Variants in TNS1 observed in about 807,000 individuals in gnomAD.
TNS1 encodes the protein tensin-1.
Under a neutral mutation model 168.6 loss-of-function variants are expected in TNS1, and 62 were observed. The ratio of observed to expected loss-of-function variants is 0.37; its 90% CI spans 0.30 to 0.45. The LOEUF (loss-of-function observed/expected upper bound fraction) is 0.45. Among genes scored for constraint, TNS1 ranks in the 20% least tolerant of loss-of-function variants. The pLI is 1.00. For missense variants in TNS1, 2,240 were observed against 2,339.4 expected, an observed-to-expected ratio of 0.96 and a Z score of 0.88; for synonymous variants, 934 against 933.2, an observed-to-expected ratio of 1.00 and a Z score of -0.02.
rs58953604 is a variant in TNS1, at chr2:217,963,889, CAAAAA to C, written c.186+14871_186+14875del. Among the ~76,000 whole-genome samples, 281 of 126,416 alleles carry C rather than the reference CAAAAA, an allele frequency of 2.2e-3. 1 individual carries two copies. Among genetic ancestry groups the C allele is most frequent in the South Asian group, 2.3e-3 (9 of 3,924 alleles). 82.9% of individuals were successfully genotyped at this position (126,416 alleles called of 152,430 possible). A position where few individuals can be genotyped will look rare whatever the true frequency, so the allele number is the denominator to read the frequency against. Reference sequence around the variant, plus strand: ...TGAAACCCCATCTCTACTAAAAATACAAAAAAAAAAAAAAAATTAGTCGGGTGTGG... The same window carrying C: ...TGAAACCCCATCTCTACTAAAAATACAAAAAAAAAAATTAGTCGGGTGTGG... On this transcript the variant is annotated intron_variant, in intron 3 of 32. Transcript: ENST00000682258.
At position 217,995,654 on chromosome 2, in the gene TNS1, G is replaced by C. The variant is rs888833578; in HGVS notation, c.34-4598C>G. Among the ~76,000 whole-genome samples, 1 of 152,110 alleles carries C rather than the reference G, an allele frequency of 6.6e-6. No homozygotes were observed. Among genetic ancestry groups the C allele is most frequent in the Admixed American group, 6.6e-5 (1 of 15,266 alleles). On this transcript the variant is annotated intron_variant, in intron 1 of 32. Transcript: ENST00000682258. The surrounding 1 kb of genome is among the most constrained non-coding windows in gnomAD (Gnocchi z 4.1). ...CCTGACAAGTGGCAGACGGCCTCACGGAGCACACCCCGGGGCCCTTCCTTT... is the reference window on the plus strand; with the variant it reads ...CCTGACAAGTGGCAGACGGCCTCACCGAGCACACCCCGGGGCCCTTCCTTT...
intron 1 of TNS1, among the ~76,000 whole-genome samples, chr2:218,002,078 C>T (rs140841776): frequency 2.0e-5 from 3 of 152,346 alleles, no homozygotes; most frequent in African/African-American, 7.2e-5. Flanking sequence ...GCAGGCAGCC[C>T]TCTCCCATCC....
intron 1 of TNS1, among the ~76,000 whole-genome samples, chr2:218,019,689 G>T (rs1442201738): frequency 6.6e-6 from 1 of 152,200 alleles, no homozygotes; most frequent in East Asian, 1.9e-4. Context: ...TTGATGAAAG[G>T]AAGAAGGGAG....
At chr2:217,883,953 C>T (rs1200233092) in intron 16 of TNS1, among the ~76,000 whole-genome samples, 1 of 152,224 alleles carries the variant, frequency 6.6e-6, no homozygotes, top group Non-Finnish European at 1.5e-5. Flanking sequence ...CATGGGACAC[C>T]TATCATGCTT....
At chr2:217,892,827 G>A (rs949749092) in intron 11 of TNS1, 121 bp downstream of exon 11, 22 of 1,146,090 alleles carry the variant, frequency 1.9e-5, no homozygotes, top group African/African-American at 7.7e-5. Context: ...CGTCCTCATC[G>A]CTTCTCATTC....
At chr2:217,929,948 C>G (rs1258034491) in intron 3 of TNS1, among the ~76,000 whole-genome samples, 1 of 152,230 alleles carries the variant, frequency 6.6e-6, no homozygotes, top group African/African-American at 2.4e-5. Flanking sequence ...GGAGCTATTT[C>G]TAAAATGCAC....
intron 3 of TNS1, among the ~76,000 whole-genome samples, chr2:217,943,495 C>A (rs1195118017): frequency 3.9e-5 from 6 of 152,198 alleles, no homozygotes; most frequent in Non-Finnish European, 7.3e-5. Context: ...CTGTGTCCCT[C>A]CCTACTCCTG....
At chr2:217,870,757 G>A (rs1462437808) in intron 18 of TNS1, among the ~76,000 whole-genome samples, 9 of 152,320 alleles carry the variant, frequency 5.9e-5, no homozygotes, top group Admixed American at 2.0e-4. Flanking sequence ...TTTACCGTGT[G>A]TTCCATGGGC....
Position 217,995,317 on chromosome 2 carries a change from C to T in TNS1, c.34-4261G>A, listed in dbSNP as rs961904723. Reference sequence around the variant, plus strand: ...GAGGAGAAAGTCTACGGTCGGTGAGCCTCCTATCCTCAAATATATGAAGGA... The same window carrying T: ...GAGGAGAAAGTCTACGGTCGGTGAGTCTCCTATCCTCAAATATATGAAGGA... On this transcript the variant is annotated intron_variant, in intron 1 of 32. Coordinates refer to ENST00000682258, the MANE Select transcript of TNS1 (RefSeq NM_001387777.1). This position sits in a 1 kb window ranked among gnomAD's most constrained non-coding sequence, Gnocchi z 4.1. Among the ~76,000 whole-genome samples, 2 of 152,108 alleles carry T rather than the reference C, an allele frequency of 1.3e-5. No homozygotes were observed. The highest frequency in any genetic ancestry group is 2.9e-5 in the Non-Finnish European group (2 of 68,024).
At chr2:217,902,721 G>A (rs913713655) in intron 6 of TNS1, among the ~76,000 whole-genome samples, 3 of 152,172 alleles carry the variant, frequency 2.0e-5, no homozygotes, top group Non-Finnish European at 2.9e-5. Context: ...CTGCTCCACC[G>A]GGCGGGGAGG....
At position 217,892,727 on chromosome 2, in the gene TNS1, C is replaced by T. The variant is rs185083911; in HGVS notation, c.782+221G>A. 4.6e-5 allele frequency among the ~76,000 whole-genome samples: 7 copies of T among 152,248 alleles called. No individual in the cohort carries two copies. In the East Asian group the frequency reaches 1.2e-3, roughly 25 times the overall value. On this transcript the variant is annotated intron_variant, in intron 11 of 32. Coordinates refer to ENST00000682258, the MANE Select transcript of TNS1 (RefSeq NM_001387777.1). The stretch of plus-strand genomic sequence containing the variant: ...GACAGGGCCTGCCTCCCAAGGCTGC[C>T]CCACCAGAACCCCTGATAGAGAAGT...
rs1206762864 is a variant in TNS1 at position 217,895,093 on chromosome 2, A to T, written c.544-37T>A. On this transcript the variant is annotated intron_variant, in intron 8 of 32. Transcript: ENST00000682258. ...AAAAGGAAGAGAGCATGAGGAGGTG[A>T]GGGTGAGGAGGGCGGCGAGGAGAGA... 3.1e-6 allele frequency: 5 copies of T among 1,587,968 alleles called. No individual in the cohort carries two copies. In the Admixed American group the frequency reaches 8.8e-5, roughly 28 times the overall value.
chr2:217,907,481 C>T, intron 4 of TNS1, among the ~76,000 whole-genome samples: 1 of 152,244 alleles, frequency 6.6e-6, no homozygotes, highest in East Asian at 1.9e-4. Context: ...CAAACCTTCA[C>T]CAAAGACCCA....
intron 3 of TNS1, among the ~76,000 whole-genome samples, chr2:217,938,549 A>G (rs1956750621): frequency 6.6e-6 from 1 of 152,260 alleles, no homozygotes. Context: ...TAGAGGGCAT[A>G]AGACACAATA....
chr2:217,947,639 A>G (rs138397849), intron 3 of TNS1, among the ~76,000 whole-genome samples: 279 of 152,278 alleles, frequency 1.8e-3, no homozygotes, highest in Non-Finnish European at 3.6e-3. Flanking sequence ...TTCCACTGGA[A>G]GAGAAGGGAC....
intron 20 of TNS1, 56 bp from the exon 21 acceptor site, chr2:217,835,222 C>G (rs766991893): frequency 6.5e-7 from 1 of 1,534,102 alleles, no homozygotes; most frequent in Non-Finnish European, 8.9e-7. Context: ...AGAGATTTCC[C>G]CTTCAGATGA....
At chr2:217,944,507 G>A (rs1183449059) in intron 3 of TNS1, among the ~76,000 whole-genome samples, 3 of 152,262 alleles carry the variant, frequency 2.0e-5, no homozygotes, top group South Asian at 2.1e-4. Context: ...GCAACTCTCA[G>A]CTTTTCTACA....
chr2:217,893,495 C>G lies in TNS1; in HGVS notation c.661G>C (p.Ala221Pro). Residue 221 changes from alanine (A) to proline (P), a missense_variant, in exon 10 of 33, where the codon GCC becomes CCC. Coordinates refer to ENST00000682258, the MANE Select transcript of TNS1 (RefSeq NM_001387777.1). The part of the protein sequence containing the change: ...ALEKICSICK[A>P]MDTWLNADPH... The stretch of plus-strand genomic sequence containing the variant: ...TCTGCATTGAGCCATGTGTCCATGG[C>G]CTTACAGATGCTGCAGATCTTCTCC... 1.2e-6 allele frequency: 2 copies of G among 1,613,540 alleles called. No homozygotes were observed. Among genetic ancestry groups the G allele is most frequent in the South Asian group, 1.1e-5 (1 of 91,002 alleles).
intron 3 of TNS1, among the ~76,000 whole-genome samples, chr2:217,929,211 G>A (rs937167243): frequency 6.6e-6 from 1 of 152,214 alleles, no homozygotes; most frequent in African/African-American, 2.4e-5. Context: ...CCTACCCCAG[G>A]TGAAGGCAGG....
Sources: gnomAD v4.1 joint callset for allele counts (sites outside exome capture counted in the v4.1 genomes callset) on GRCh38, gnomAD v4.1.1 for gene constraint, Gnocchi (gnomAD v3.1) non-coding constraint, MANE v1.5 for transcripts, NCBI Gene and HGNC (gene_info 2026-07-23, HGNC 2026-07-21) for gene names.